KCNG2: variants seen among roughly 807,000 people sequenced by gnomAD.
KCNG2 encodes voltage-gated potassium channel regulatory subunit KCNG2.
Under a neutral mutation model 12.3 loss-of-function variants are expected in KCNG2, and 7 were observed. That is an observed-to-expected ratio of 0.57 (90% confidence interval 0.32 to 1.07). KCNG2 has a LOEUF of 1.07. Among genes scored for constraint, KCNG2 ranks in the 50% least tolerant of loss-of-function variants. The pLI is 0.04. For synonymous variants in KCNG2, 414 were observed against 351.4 expected, an observed-to-expected ratio of 1.18 and a Z score of -1.99; for missense variants, 703 against 726.0, an observed-to-expected ratio of 0.97 and a Z score of 0.36.
At chr18:79,815,527 G>A (rs918657273) in intron 1 of KCNG2, among the ~76,000 whole-genome samples, 1 of 151,758 alleles carries the variant, frequency 6.6e-6, no homozygotes, top group Non-Finnish European at 1.5e-5. Flanking sequence ...AATCAAAGAA[G>A]AATCAAAACT....
chr18:79,878,856 G>A (rs1466334585), intron 3 of KCNG2, among the ~76,000 whole-genome samples: 4 of 152,244 alleles, frequency 2.6e-5, no homozygotes, highest in East Asian at 1.9e-4. Flanking sequence ...GGAAGGTGAC[G>A]GCTGTGTTGT....
intron 1 of KCNG2, chr18:79,816,540 G>A (rs1019143514): frequency 1.3e-5 from 2 of 152,246 alleles, no homozygotes; most frequent in Non-Finnish European, 2.9e-5. Flanking sequence ...AAATGTGGAC[G>A]GTGTGGGAAT....
At position 79,884,516 on chromosome 18, in the gene KCNG2, T is replaced by C. The variant is rs1980445018; in HGVS notation, c.625-14524T>C. On this transcript the variant is annotated intron_variant, in intron 3 of 3. Transcript: ENST00000316249. This position sits in a 1 kb window ranked among gnomAD's most constrained non-coding sequence, Gnocchi z 5.5. ...TCCCCGGGGGAGAGCCAGGCTGTGATGTCCCGATGCAGTGGAGGAGCAGGG... is the reference window on the plus strand; with the variant it reads ...TCCCCGGGGGAGAGCCAGGCTGTGACGTCCCGATGCAGTGGAGGAGCAGGG... Among the ~76,000 whole-genome samples, 1 of 151,898 alleles carries C rather than the reference T, an allele frequency of 6.6e-6. No individual in the cohort carries two copies. Among genetic ancestry groups the C allele is most frequent in the Non-Finnish European group, 1.5e-5 (1 of 67,978 alleles).
At chr18:79,845,351 A>G (rs1057184339) in intron 1 of KCNG2, among the ~76,000 whole-genome samples, 2 of 152,216 alleles carry the variant, frequency 1.3e-5, no homozygotes, top group African/African-American at 4.8e-5. Context: ...GGATGTGTCC[A>G]TGTCGGCGTC....
chr18:79,893,663 C>T (rs1257981134), intron 3 of KCNG2, among the ~76,000 whole-genome samples: 2 of 149,940 alleles, frequency 1.3e-5, no homozygotes, highest in Non-Finnish European at 3.0e-5. Flanking sequence ...TCTAATGGTT[C>T]GATTGATATA....
intron 1 of KCNG2, among the ~76,000 whole-genome samples, chr18:79,808,913 G>C (rs2087471028): frequency 8.3e-5 from 1 of 12,020 alleles, no homozygotes; most frequent in African/African-American, 3.7e-4. Context: ...GCTCTGAGAA[G>C]CTGCCAGGGA....
intron 1 of KCNG2, among the ~76,000 whole-genome samples, chr18:79,849,172 C>T (rs866103800): frequency 5.3e-5 from 8 of 152,274 alleles, no homozygotes; most frequent in Middle Eastern, 3.4e-3. Flanking sequence ...AGAGGGAGCC[C>T]AGACCTCGCA....
intron 3 of KCNG2, among the ~76,000 whole-genome samples, chr18:79,877,732 G>A (rs889910660): frequency 5.9e-5 from 9 of 152,256 alleles, no homozygotes; most frequent in African/African-American, 1.7e-4. Context: ...AGCTGCAGCC[G>A]TGGTTATTGG....
chr18:79,876,397 C>T (rs1163828665), intron 3 of KCNG2: 7 of 152,424 alleles, frequency 4.6e-5, no homozygotes, highest in African/African-American at 1.4e-4. Flanking sequence ...GTGCAGAGCA[C>T]CTAATGGAGA....
chr18:79,864,170 A>T lies in KCNG2; in HGVS notation c.503A>T (p.Asp168Val). 6.6e-7 allele frequency: 1 copy of T among 1,505,508 alleles called. No individual in the cohort carries two copies. 93.3% of individuals were successfully genotyped at this position (1,505,508 alleles called of 1,614,324 possible). The change falls in exon 3 of 4, where the codon GAC (aspartate) becomes GTC (valine). Residue 168 changes from aspartate (D) to valine (V), a missense_variant. Asp to Val is a radical substitution (Grantham distance 152). Transcript: ENST00000316249. ...CGGCGGCGCCTGCGCGACGTGGTGG[A>T]CAACCCGCACTCGGGGCTGGCGGGC... ...RGRRRLRDVVDNPHSGLAGKL... is the reference protein window; with the variant it reads ...RGRRRLRDVVVNPHSGLAGKL...
chr18:79,848,758 C>T (rs868646033), intron 1 of KCNG2, among the ~76,000 whole-genome samples: 2 of 152,100 alleles, frequency 1.3e-5, no homozygotes, highest in South Asian at 2.1e-4. Context: ...AGCATCCTGT[C>T]GCCATGCCTG....
intron 3 of KCNG2, among the ~76,000 whole-genome samples, chr18:79,878,284 G>T (rs1458619876): frequency 8.0e-6 from 1 of 125,424 alleles, no homozygotes; most frequent in African/African-American, 2.8e-5. Flanking sequence ...CCACGTGGCA[G>T]TGTGCGGAGG....
At chr18:79,841,721 A>G (rs532181955) in intron 1 of KCNG2, among the ~76,000 whole-genome samples, 94 of 152,344 alleles carry the variant, frequency 6.2e-4, no homozygotes, top group African/African-American at 2.2e-3. Flanking sequence ...AGATAGCAAA[A>G]TAGGAGTTTC....
At chr18:79,854,324 A>G (rs1173540522) in intron 1 of KCNG2, among the ~76,000 whole-genome samples, 1 of 152,194 alleles carries the variant, frequency 6.6e-6, no homozygotes, top group Admixed American at 6.5e-5. Flanking sequence ...CAACACTCAC[A>G]TGCAGAAACA....
Position 79,899,866 on chromosome 18 carries a change from C to T in KCNG2, c.*50C>T. ...CCCCTGCCCCCTCCAGCTGCAGCGT[C>T]GGGACCCCCGAGGTGCGCCAAGGGG... On this transcript the variant is annotated 3_prime_UTR_variant, in exon 4 of 4. Coordinates refer to ENST00000316249, the MANE Select transcript of KCNG2 (RefSeq NM_012283.2). 11 of 1,294,696 alleles carry T rather than the reference C, an allele frequency of 8.5e-6. No homozygotes were observed. Among genetic ancestry groups the T allele is most frequent in the Non-Finnish European group, 9.8e-6 (10 of 1,023,468 alleles). 80.2% of individuals were successfully genotyped at this position (1,294,696 alleles called of 1,614,324 possible).
At chr18:79,814,866 G>C (rs577942450) in intron 1 of KCNG2, among the ~76,000 whole-genome samples, 17 of 151,104 alleles carry the variant, frequency 1.1e-4, no homozygotes, top group African/African-American at 3.9e-4. Flanking sequence ...GATTTGTTTT[G>C]AAGGGGGAAG....
chr18:79,849,898 G>A (rs1409600194), intron 1 of KCNG2, among the ~76,000 whole-genome samples: 1 of 147,430 alleles, frequency 6.8e-6, no homozygotes, highest in East Asian at 1.9e-4. Context: ...GGAGGGAGGC[G>A]AGACCCCACC....
At chr18:79,828,285 G>A (rs1479779798) in intron 1 of KCNG2, among the ~76,000 whole-genome samples, 3 of 152,240 alleles carry the variant, frequency 2.0e-5, no homozygotes, top group Non-Finnish European at 4.4e-5. Context: ...CATGACATGC[G>A]TGCGTGTGCA....
intron 3 of KCNG2, among the ~76,000 whole-genome samples, chr18:79,876,970 C>T (rs947113582): frequency 1.3e-5 from 2 of 152,194 alleles, no homozygotes; most frequent in Non-Finnish European, 2.9e-5. Flanking sequence ...AGGCACAAAA[C>T]GAGTTAACGC....
Sources: allele counts gnomAD v4.1 joint callset (sites outside exome capture counted in the v4.1 genomes callset), GRCh38; gene constraint gnomAD v4.1.1; non-coding constraint Gnocchi (gnomAD v3.1); transcripts MANE v1.5; gene names NCBI Gene and HGNC (gene_info 2026-07-23, HGNC 2026-07-21).